Variants in CAMTA1 observed in about 807,000 individuals in gnomAD.
CAMTA1 encodes calmodulin-binding transcription activator 1.
CAMTA1 carries 27 observed loss-of-function variants against 170.9 expected under a neutral mutation model. The observed-to-expected ratio is 0.16, with a 90% CI of 0.12 to 0.22. The LOEUF (loss-of-function observed/expected upper bound fraction) is 0.22. Ranked by LOEUF, CAMTA1 falls within the 10% of genes least tolerant of loss-of-function variation. The probability of loss-of-function intolerance (pLI) is 1.00; values close to 1 mark genes in which losing one functional copy is unlikely to be tolerated. For synonymous variants in CAMTA1, 833 were observed against 891.5 expected (o/e 0.93, Z 1.17); for missense variants, 1,619 against 2,217.2 (o/e 0.73, Z 5.42).
intron 5 of CAMTA1, among the ~76,000 whole-genome samples, chr1:7,372,937 G>A (rs1290671373): frequency 1.3e-5 from 2 of 152,192 alleles, no homozygotes; most frequent in Non-Finnish European, 2.9e-5. Flanking sequence ...AAGTGGCCCT[G>A]GGCCAACCAG....
rs891464213 is a variant in CAMTA1, at chr1:7,515,874, C to T, written c.510+47973C>T. On this transcript the variant is annotated intron_variant, in intron 6 of 22. Transcript: ENST00000303635. ...GTGGGACATGGGTCCCAAATAGGCACGGTTTGTCTGATTTCAGCCTCTGAG... is the reference window on the plus strand; with the variant it reads ...GTGGGACATGGGTCCCAAATAGGCATGGTTTGTCTGATTTCAGCCTCTGAG... 6.6e-5 allele frequency among the ~76,000 whole-genome samples: 10 copies of T among 152,248 alleles called. No individual in the cohort carries two copies. The South Asian group carries it at 1.7e-3, about 25-fold the overall frequency.
chr1:7,083,065 C>A (rs1000181684), intron 3 of CAMTA1, among the ~76,000 whole-genome samples: 7 of 152,178 alleles, frequency 4.6e-5, no homozygotes, highest in African/African-American at 1.4e-4. Context: ...GGGTGAATTG[C>A]TTCTTTACTG....
rs111335859 is a variant in CAMTA1 at position 7,391,416 on chromosome 1, A to G, written c.439-76414A>G. On this transcript the variant is annotated intron_variant, in intron 5 of 22. Coordinates refer to ENST00000303635, the MANE Select transcript of CAMTA1 (RefSeq NM_015215.4). ...TTTTATTGTCATCCCCTTTTTATAG[A>G]TTAGGAAGCTGCTGCTCAGACGGAT... Among the ~76,000 whole-genome samples, 912 of 151,662 alleles carry G rather than the reference A, an allele frequency of 6.0e-3. 7 individuals carry two copies. The highest frequency in any genetic ancestry group is 0.021 in the African/African-American group (874 of 41,266).
intron 6 of CAMTA1, among the ~76,000 whole-genome samples, chr1:7,479,224 C>T (rs1040047475): frequency 1.3e-5 from 2 of 152,212 alleles, no homozygotes; most frequent in Admixed American, 6.5e-5. Context: ...TATATTCCCA[C>T]GGGAGACACA....
chr1:6,865,180 A>C (rs893618106), intron 3 of CAMTA1, among the ~76,000 whole-genome samples: 1 of 152,130 alleles, frequency 6.6e-6, no homozygotes, highest in Non-Finnish European at 1.5e-5. Flanking sequence ...AAAGTACTTG[A>C]ATTTATTTTT....
intron 4 of CAMTA1, among the ~76,000 whole-genome samples, chr1:7,148,055 A>G (rs911044509): frequency 6.7e-6 from 1 of 149,362 alleles, no homozygotes; most frequent in Non-Finnish European, 1.5e-5. Context: ...CCATGCACGT[A>G]TGCACACAAA....
At chr1:7,066,994 A>T (rs4908596) in intron 3 of CAMTA1, among the ~76,000 whole-genome samples, 102,631 of 152,176 alleles carry the variant, frequency 0.67, 35,642 homozygotes, top group African/African-American at 0.85. Context: ...AGCATCTAAT[A>T]TGTAAGCAGT....
At chr1:7,059,912 G>T (rs1707947740) in intron 3 of CAMTA1, among the ~76,000 whole-genome samples, 1 of 152,142 alleles carries the variant, frequency 6.6e-6, no homozygotes. Context: ...GTTTAGAGAG[G>T]AGCAATCTAA....
rs1016981430 is a variant in CAMTA1 at position 7,310,638 on chromosome 1, T to C, written c.438+61012T>C. Among the ~76,000 whole-genome samples, 21 of 24,182 alleles carry C rather than the reference T, an allele frequency of 8.7e-4. 1 individual carries two copies. The highest frequency in any genetic ancestry group is 3.5e-3 in the African/African-American group (20 of 5,744). The allele number at this position is 24,182 out of a possible 152,430, so 15.9% of individuals were successfully genotyped here. A position where few individuals can be genotyped will look rare whatever the true frequency, so the allele number is the denominator to read the frequency against. On this transcript the variant is annotated intron_variant, in intron 5 of 22. Transcript: ENST00000303635. ...TTTCTTTCTTTCTTTCTTTCTTTCTTTCTTTCTTTTTTCTTTCTTTCTTTC... is the reference window on the plus strand; with the variant it reads ...TTTCTTTCTTTCTTTCTTTCTTTCTCTCTTTCTTTTTTCTTTCTTTCTTTC...
At position 7,559,603 on chromosome 1, in the gene CAMTA1, G is replaced by A. The variant is rs916135169; in HGVS notation, c.511-80797G>A. 3.3e-5 allele frequency among the ~76,000 whole-genome samples: 5 copies of A among 152,336 alleles called. No homozygotes were observed. The East Asian group carries it at 9.7e-4, about 29-fold the overall frequency. ...AGGACCTGCTAATGCCACGGTTTGG[G>A]GAGGTGTTGGAGGGGTCTGCACTGG... On this transcript the variant is annotated intron_variant, in intron 6 of 22. Transcript: ENST00000303635.
At chr1:6,923,057 A>G (rs1323819201) in intron 3 of CAMTA1, among the ~76,000 whole-genome samples, 2 of 152,174 alleles carry the variant, frequency 1.3e-5, no homozygotes, top group Non-Finnish European at 2.9e-5. Context: ...GAGATGATGA[A>G]TTAAAGTCGA....
At chr1:7,177,477 C>CT (rs1558208635) in intron 4 of CAMTA1, among the ~76,000 whole-genome samples, 10 of 147,306 alleles carry the variant, frequency 6.8e-5, no homozygotes, top group Non-Finnish European at 1.5e-4. Flanking sequence ...GAGGCCCCCC[C>CT]ACACACACTG....
rs528265492 is a variant in CAMTA1, at chr1:7,066,476, G to A, written c.235-24828G>A. 4.6e-5 allele frequency among the ~76,000 whole-genome samples: 7 copies of A among 152,324 alleles called. No individual in the cohort carries two copies. In the South Asian group the frequency reaches 8.3e-4, roughly 18 times the overall value. On this transcript the variant is annotated intron_variant, in intron 3 of 22. Coordinates refer to ENST00000303635, the MANE Select transcript of CAMTA1 (RefSeq NM_015215.4). ...AAGATCTAAGAAAATCTATAGATCAGATTTTACTGCTTTCAAGATAAACGT... is the reference window on the plus strand; with the variant it reads ...AAGATCTAAGAAAATCTATAGATCAAATTTTACTGCTTTCAAGATAAACGT...
chr1:6,956,097 A>G (rs1689411129), intron 3 of CAMTA1, among the ~76,000 whole-genome samples: 1 of 152,102 alleles, frequency 6.6e-6, no homozygotes, highest in Non-Finnish European at 1.5e-5. Context: ...GGGCTCCCCA[A>G]TCCCTGAGTC....
chr1:7,254,200 C>T (rs1020111093), intron 5 of CAMTA1, among the ~76,000 whole-genome samples: 2 of 152,186 alleles, frequency 1.3e-5, no homozygotes, highest in East Asian at 1.9e-4. Context: ...CAACCAGAAT[C>T]GTGATGGGTC....
At chr1:6,910,838 G>C (rs187758826) in intron 3 of CAMTA1, among the ~76,000 whole-genome samples, 1 of 152,364 alleles carries the variant, frequency 6.6e-6, no homozygotes, top group East Asian at 1.9e-4. Context: ...GCCCTGGGCT[G>C]CTAGAACCCT....
At chr1:7,273,040 CACA>C (rs1670080142) in intron 5 of CAMTA1, among the ~76,000 whole-genome samples, 1 of 151,944 alleles carries the variant, frequency 6.6e-6, no homozygotes, top group Non-Finnish European at 1.5e-5. Context: ...AAGTGAAAAC[CACA>C]ACAAGATACC....
chr1:7,480,263 G>GTGTGCATGTGTGTGAGTGTA (rs2093501546), intron 6 of CAMTA1, among the ~76,000 whole-genome samples: 2 of 151,476 alleles, frequency 1.3e-5, no homozygotes, highest in African/African-American at 4.9e-5. Flanking sequence ...ATGTGTGTAT[G>GTGTGCATGTGTGTGAGTGTA]TGTGTGAGTG....
At chr1:7,392,282 T>C (rs1349340651) in intron 5 of CAMTA1, among the ~76,000 whole-genome samples, 1 of 137,378 alleles carries the variant, frequency 7.3e-6, no homozygotes, top group African/African-American at 2.7e-5. Flanking sequence ...TTTGAGTCAG[T>C]TTTGCTCTTG....
Sources: allele counts gnomAD v4.1 joint callset (sites outside exome capture counted in the v4.1 genomes callset), GRCh38; gene constraint gnomAD v4.1.1; transcripts MANE v1.5; gene names NCBI Gene and HGNC (gene_info 2026-07-23, HGNC 2026-07-21).